Variants in MGMT observed in about 807,000 individuals in gnomAD.
MGMT encodes the protein O-6-methylguanine-DNA methyltransferase.
Under a neutral mutation model 15.9 loss-of-function variants are expected in MGMT, and 14 were observed. That is an observed-to-expected ratio of 0.88 (90% CI 0.58 to 1.37). The LOEUF (loss-of-function observed/expected upper bound fraction) is 1.37, where lower values mean the gene tolerates loss of function less well. MGMT is among the 40% of genes most tolerant of loss of function. The pLI, the probability that MGMT is intolerant of heterozygous loss-of-function variation, is 0.00. For synonymous variants in MGMT, 130 were observed against 118.2 expected (o/e 1.10, Z -0.65); for missense variants, 282 against 268.1 (o/e 1.05, Z -0.36).
chr10:129,708,179 A>T (rs977929525), intron 3 of MGMT, 136 bp downstream of exon 3: 1 of 1,230,744 alleles, frequency 8.1e-7, no homozygotes. Flanking sequence ...CGTTTGGCCG[A>T]GCTGGAGGGA....
intron 2 of MGMT, among the ~76,000 whole-genome samples, chr10:129,661,658 T>C: frequency 6.6e-6 from 1 of 152,218 alleles, no homozygotes; most frequent in East Asian, 1.9e-4. Flanking sequence ...GTCTCTTTTC[T>C]TAGCAGTTTA....
At chr10:129,521,710 G>A (rs1055222331) in intron 1 of MGMT, among the ~76,000 whole-genome samples, 2 of 152,166 alleles carry the variant, frequency 1.3e-5, no homozygotes, top group Admixed American at 6.5e-5. Flanking sequence ...GTCTCCATCC[G>A]CCCACAGTGT....
intron 2 of MGMT, among the ~76,000 whole-genome samples, chr10:129,662,381 G>A (rs7907239): frequency 0.035 from 5,296 of 152,192 alleles, 315 homozygotes; most frequent in African/African-American, 0.12. Flanking sequence ...GGAACTTTCC[G>A]TTTTAACACT....
chr10:129,495,781 TC>T (rs1218963831), intron 1 of MGMT, among the ~76,000 whole-genome samples: 1 of 152,228 alleles, frequency 6.6e-6, no homozygotes, highest in Non-Finnish European at 1.5e-5. Flanking sequence ...CAGAGCATCT[TC>T]ACGTAGTTCA....
chr10:129,692,351 G>T (rs1322540797), intron 2 of MGMT, among the ~76,000 whole-genome samples: 2 of 152,156 alleles, frequency 1.3e-5, no homozygotes, highest in Non-Finnish European at 2.9e-5. Context: ...CAGACCAGGG[G>T]CCTATCAGGC....
chr10:129,685,412 T>A (rs1847894028), intron 2 of MGMT, among the ~76,000 whole-genome samples: 1 of 152,206 alleles, frequency 6.6e-6, no homozygotes, highest in Non-Finnish European at 1.5e-5. Context: ...GCTAGTCCTG[T>A]CTTCCCCTCC....
At chr10:129,470,013 C>T (rs372127360) in intron 1 of MGMT, among the ~76,000 whole-genome samples, 5 of 152,110 alleles carry the variant, frequency 3.3e-5, no homozygotes, top group African/African-American at 1.2e-4. Flanking sequence ...TGCCTGGCCT[C>T]GCAGGATATT....
intron 1 of MGMT, among the ~76,000 whole-genome samples, chr10:129,495,941 G>A (rs1034820468): frequency 1.3e-5 from 2 of 152,186 alleles, no homozygotes; most frequent in African/African-American, 4.8e-5. Flanking sequence ...CGGATGGATG[G>A]CATGCAGCTG....
rs558742866 is a variant in MGMT at position 129,715,330 on chromosome 10, T to A, written c.274+7287T>A. Among the ~76,000 whole-genome samples, 5 of 152,376 alleles carry A rather than the reference T, an allele frequency of 3.3e-5. No individual in the cohort carries two copies. In the East Asian group the frequency reaches 9.6e-4, roughly 29 times the overall value. On this transcript the variant is annotated intron_variant, in intron 3 of 4. Transcript: ENST00000651593. ...TTTCCGCAGTGTCCTGGCGTTGGCC[T>A]TGAGTGGACTTCTCAAAAAGTAGAA...
At chr10:129,681,672 T>A (rs1847854155) in intron 2 of MGMT, among the ~76,000 whole-genome samples, 1 of 152,134 alleles carries the variant, frequency 6.6e-6, no homozygotes, top group African/African-American at 2.4e-5. Context: ...GGAAATATAG[T>A]GTTCACAGGA....
chr10:129,628,007 CT>C (rs1847170026), intron 2 of MGMT, among the ~76,000 whole-genome samples: 2 of 152,208 alleles, frequency 1.3e-5, no homozygotes, highest in Admixed American at 1.3e-4. Flanking sequence ...AAGCGTCTGG[CT>C]GGTGTTTAAA....
chr10:129,692,236 G>A (rs1245930343), intron 2 of MGMT, among the ~76,000 whole-genome samples: 2 of 152,180 alleles, frequency 1.3e-5, no homozygotes, highest in Non-Finnish European at 2.9e-5. Flanking sequence ...TTACAGGTGG[G>A]AGGACCAGCA....
intron 1 of MGMT, among the ~76,000 whole-genome samples, chr10:129,489,857 T>C (rs950363625): frequency 4.0e-5 from 6 of 148,742 alleles, no homozygotes; most frequent in Non-Finnish European, 7.4e-5. Context: ...CACATATATA[T>C]TCTTTGTTTT....
intron 2 of MGMT, among the ~76,000 whole-genome samples, chr10:129,623,423 C>G (rs1847112260): frequency 6.6e-6 from 1 of 152,090 alleles, no homozygotes; most frequent in African/African-American, 2.4e-5. Context: ...GGCCAGTTCC[C>G]AATGCACTGG....
intron 1 of MGMT, among the ~76,000 whole-genome samples, chr10:129,493,456 CTT>C (rs1188912302): frequency 1.3e-5 from 2 of 152,200 alleles, no homozygotes; most frequent in Non-Finnish European, 2.9e-5. Flanking sequence ...ATTCAGGAAA[CTT>C]TGAAACATTG....
chr10:129,564,377 C>T (rs1172822452), intron 2 of MGMT, among the ~76,000 whole-genome samples: 1 of 50,054 alleles, frequency 2.0e-5, no homozygotes, highest in East Asian at 7.1e-4. Flanking sequence ...CCTCTTCCTT[C>T]CTCTCCCCTC....
intron 1 of MGMT, among the ~76,000 whole-genome samples, chr10:129,517,409 C>T (rs1487650682): frequency 6.6e-6 from 1 of 152,348 alleles, no homozygotes; most frequent in Non-Finnish European, 1.5e-5. Flanking sequence ...GGCCTCCCTG[C>T]ACTGTGCCCC....
chr10:129,545,098 C>T (rs540955896), intron 2 of MGMT, among the ~76,000 whole-genome samples: 35 of 152,236 alleles, frequency 2.3e-4, no homozygotes, highest in African/African-American at 7.7e-4. Flanking sequence ...CATCAATGTG[C>T]GTTTACCAAT....
At chr10:129,590,448 T>C (rs900788230) in intron 2 of MGMT, among the ~76,000 whole-genome samples, 1 of 152,198 alleles carries the variant, frequency 6.6e-6, no homozygotes, top group African/African-American at 2.4e-5. Flanking sequence ...AGAGACTGGA[T>C]ACAATGTGAG....
Sources: allele counts gnomAD v4.1 joint callset (sites outside exome capture counted in the v4.1 genomes callset), GRCh38; gene constraint gnomAD v4.1.1; transcripts MANE v1.5; gene names NCBI Gene and HGNC (gene_info 2026-07-23, HGNC 2026-07-21).